Variants in DLG2 observed in about 807,000 individuals in gnomAD.
The protein encoded by DLG2 is discs large MAGUK scaffold protein 2.
In DLG2, 45 loss-of-function variants were observed where a neutral mutation model predicts 132.5. The ratio of observed to expected loss-of-function variants is 0.34; its 90% CI spans 0.27 to 0.44. The LOEUF (loss-of-function observed/expected upper bound fraction) is 0.44. Ranked by LOEUF, DLG2 falls within the 20% of genes least tolerant of loss-of-function variation. DLG2 has a pLI of 1.00. For synonymous variants in DLG2, 424 were observed against 419.6 expected (o/e 1.01, Z -0.13); for missense variants, 1,045 against 1,196.9 (o/e 0.87, Z 1.87).
At chr11:84,959,514 G>C (rs962958878) in intron 6 of DLG2, among the ~76,000 whole-genome samples, 1 of 152,132 alleles carries the variant, frequency 6.6e-6, no homozygotes, top group Non-Finnish European at 1.5e-5. Context: ...TTCTTCAAGA[G>C]TGCTATGACT....
intron 7 of DLG2, among the ~76,000 whole-genome samples, chr11:84,277,990 T>C (rs924531029): frequency 3.9e-5 from 6 of 152,072 alleles, no homozygotes; most frequent in South Asian, 4.2e-4. Context: ...AAATCCTGGC[T>C]TCAGGCAGTC....
intron 11 of DLG2, among the ~76,000 whole-genome samples, chr11:83,991,830 T>C (rs529475303): frequency 3.2e-4 from 49 of 152,300 alleles, no homozygotes; most frequent in African/African-American, 1.1e-3. Context: ...TTCTAACTCC[T>C]GGTACCTGTG....
intron 15 of DLG2, among the ~76,000 whole-genome samples, chr11:83,892,422 C>A (rs2070201239): frequency 6.6e-6 from 1 of 151,904 alleles, no homozygotes; most frequent in African/African-American, 2.4e-5. Context: ...CATTAGATTA[C>A]CAATATAAGG....
intron 9 of DLG2, among the ~76,000 whole-genome samples, chr11:84,148,114 T>G (rs2095155572): frequency 6.6e-6 from 1 of 152,168 alleles, no homozygotes; most frequent in East Asian, 1.9e-4. Flanking sequence ...AAGACTGTGC[T>G]TCTTTCCACC....
In DLG2 at chr11:83,965,481, A is replaced by G; in HGVS notation, c.1057-13T>C. ...TGTAGTTGTTTACCTGAAAGGGTGA[A>G]AAAGATCAATATTAGAGTTAAATCT... is the stretch of plus-strand genomic sequence containing the variant. On this transcript the variant is annotated splice_polypyrimidine_tract_variant and intron_variant, in intron 12 of 27. Transcript: ENST00000376104. 6.3e-7 allele frequency: 1 copy of G among 1,594,312 alleles called. No homozygotes were observed. Among genetic ancestry groups the G allele is most frequent in the Non-Finnish European group, 8.5e-7 (1 of 1,169,922 alleles).
intron 6 of DLG2, among the ~76,000 whole-genome samples, chr11:84,860,590 C>T (rs2083468135): frequency 6.6e-6 from 1 of 152,048 alleles, no homozygotes; most frequent in Non-Finnish European, 1.5e-5. Context: ...TCCAAGTTGA[C>T]TGGTAAAGAA....
intron 3 of DLG2, among the ~76,000 whole-genome samples, chr11:85,346,479 C>T (rs922063578): frequency 2.0e-5 from 3 of 152,094 alleles, no homozygotes; most frequent in African/African-American, 7.2e-5. Flanking sequence ...TAAGCCACCG[C>T]GCCTGGCCAA....
rs536792242 is a variant in DLG2 at position 83,588,336 on chromosome 11, G to A, written c.1940+44875C>T. ...AGTGGGTCTCTGACCCCTGACCCCC[G>A]AGCAGCCTAACTGGGAGGCACCCCC... is the stretch of plus-strand genomic sequence containing the variant. On this transcript the variant is annotated intron_variant, in intron 19 of 27. Transcript: ENST00000376104. 3.4e-4 allele frequency among the ~76,000 whole-genome samples: 51 copies of A among 151,610 alleles called. 1 individual carries two copies. The highest frequency in any genetic ancestry group is 1.0e-3 in the African/African-American group (42 of 40,944).
At chr11:85,008,464 C>T (rs1054452337) in intron 6 of DLG2, among the ~76,000 whole-genome samples, 3 of 151,882 alleles carry the variant, frequency 2.0e-5, no homozygotes. Context: ...TAGTATATTT[C>T]TTTTAGGGAG....
At chr11:85,519,776 A>C (rs2074131284) in intron 3 of DLG2, among the ~76,000 whole-genome samples, 1 of 152,176 alleles carries the variant, frequency 6.6e-6, no homozygotes, top group South Asian at 2.1e-4. Flanking sequence ...GCCTGGTGGG[A>C]GGTAATTTAA....
chr11:85,215,446 A>C (rs550669462), intron 4 of DLG2, among the ~76,000 whole-genome samples: 6 of 152,354 alleles, frequency 3.9e-5, no homozygotes, highest in Non-Finnish European at 5.9e-5. Context: ...TGCCACCTCA[A>C]AATATTCCAC....
In DLG2 at chr11:84,400,852, C is replaced by G. The variant is rs182661363; in HGVS notation, c.519+133718G>C. 2.1e-3 allele frequency among the ~76,000 whole-genome samples: 313 copies of G among 152,078 alleles called. 1 individual carries two copies. The highest frequency in any genetic ancestry group is 7.3e-3 in the African/African-American group (301 of 41,492). On this transcript the variant is annotated intron_variant, in intron 7 of 27. Coordinates refer to ENST00000376104, the MANE Select transcript of DLG2 (RefSeq NM_001142699.3). ...AAATAACAGATATTAGTCTGAGTAT[C>G]AAGACTATAGAATTCTCATTCTGAA...
At chr11:84,128,840 G>A (rs745370847) in intron 9 of DLG2, among the ~76,000 whole-genome samples, 10 of 152,182 alleles carry the variant, frequency 6.6e-5, no homozygotes, top group Admixed American at 1.3e-4. Context: ...TTGAAAAAAC[G>A]TGTATGGTTT....
At chr11:83,604,445 G>A (rs2059026926) in intron 19 of DLG2, among the ~76,000 whole-genome samples, 1 of 152,134 alleles carries the variant, frequency 6.6e-6, no homozygotes. Context: ...GGGTTTTTGA[G>A]GAACTGAATA....
At chr11:84,252,663 A>G (rs1427063292) in intron 7 of DLG2, among the ~76,000 whole-genome samples, 2 of 152,300 alleles carry the variant, frequency 1.3e-5, no homozygotes, top group Middle Eastern at 6.8e-3. Flanking sequence ...TGCAATCTCT[A>G]TTTGCATCAC....
chr11:84,749,246 A>C (rs928565056), intron 6 of DLG2, among the ~76,000 whole-genome samples: 2 of 152,112 alleles, frequency 1.3e-5, no homozygotes, highest in African/African-American at 4.8e-5. Context: ...ACAATCTAAA[A>C]GTTTTCTACA....
chr11:85,414,297 G>A (rs186155189), intron 3 of DLG2, among the ~76,000 whole-genome samples: 1 of 152,076 alleles, frequency 6.6e-6, no homozygotes, highest in Non-Finnish European at 1.5e-5. Context: ...GGAGCTTTCT[G>A]GAGGAGTCTT....
At chr11:84,855,404 C>T (rs577922156) in intron 6 of DLG2, among the ~76,000 whole-genome samples, 1 of 151,940 alleles carries the variant, frequency 6.6e-6, no homozygotes, top group Non-Finnish European at 1.5e-5. Context: ...AAATGAAATG[C>T]CTTGTTTCTT....
At chr11:84,505,695 C>T (rs1206828133) in intron 7 of DLG2, among the ~76,000 whole-genome samples, 1 of 151,846 alleles carries the variant, frequency 6.6e-6, no homozygotes, top group Non-Finnish European at 1.5e-5. Context: ...TCATTATTAC[C>T]ATTATTTAAT....
Sources: gnomAD v4.1 joint callset for allele counts (sites outside exome capture counted in the v4.1 genomes callset) on GRCh38, gnomAD v4.1.1 for gene constraint, MANE v1.5 for transcripts, NCBI Gene and HGNC (gene_info 2026-07-23, HGNC 2026-07-21) for gene names.